Variants in MAP2K5 observed in about 807,000 individuals in gnomAD.
The protein encoded by MAP2K5 is dual specificity mitogen-activated protein kinase kinase 5.
In MAP2K5, 49 loss-of-function variants were observed where a neutral mutation model predicts 83.1. The observed-to-expected ratio is 0.59, with a 90% CI of 0.47 to 0.75. The LOEUF (loss-of-function observed/expected upper bound fraction) is 0.75, where lower values mean the gene tolerates loss of function less well. Ranked by LOEUF, MAP2K5 falls within the 30% of genes least tolerant of loss-of-function variation. The pLI is 0.00. For missense variants in MAP2K5, 457 were observed against 557.5 expected (o/e 0.82, Z 1.82); for synonymous variants, 202 against 191.8 (o/e 1.05, Z -0.44).
At chr15:67,772,833 A>C in intron 21 of MAP2K5, 81 bp downstream of exon 21, 1 of 1,208,538 alleles carries the variant, frequency 8.3e-7, no homozygotes, top group South Asian at 1.4e-5. Context: ...CCAGAATGGA[A>C]TTTGAAACAG....
At position 67,793,773 on chromosome 15, in the gene MAP2K5, T is replaced by C. The variant is rs531628466; in HGVS notation, c.1243-12873T>C. The stretch of plus-strand genomic sequence containing the variant: ...ACTCTTTGATCACGTTGTATATAAA[T>C]GTCCAAGTTTGAAGCAATATGATTA... On this transcript the variant is annotated intron_variant, in intron 21 of 21. Transcript: ENST00000178640. The surrounding 1 kb of genome is among the most constrained non-coding windows in gnomAD (Gnocchi z 4.6). 1.1e-3 allele frequency among the ~76,000 whole-genome samples: 167 copies of C among 152,210 alleles called. No homozygotes were observed. Among genetic ancestry groups the C allele is most frequent in the Non-Finnish European group, 2.1e-3 (141 of 68,026 alleles).
At chr15:67,607,282 T>G (rs1174319056) in intron 8 of MAP2K5, among the ~76,000 whole-genome samples, 1 of 152,248 alleles carries the variant, frequency 6.6e-6, no homozygotes, top group African/African-American at 2.4e-5. Context: ...ATATTAATGT[T>G]TTCAGAAAAT....
In MAP2K5 at chr15:67,579,122, A is replaced by G. The variant is rs536635321; in HGVS notation, c.253-1632A>G. Reference sequence around the variant, plus strand: ...AATTTTTTTGACAGCCACTGATTGGAAAGTTGCTTGCAGCCTTCCAGAAGC... The same window carrying G: ...AATTTTTTTGACAGCCACTGATTGGGAAGTTGCTTGCAGCCTTCCAGAAGC... On this transcript the variant is annotated intron_variant, in intron 3 of 21. Transcript: ENST00000178640. Among the ~76,000 whole-genome samples, 4 of 152,318 alleles carry G rather than the reference A, an allele frequency of 2.6e-5. No homozygotes were observed. In the South Asian group the frequency reaches 8.3e-4, roughly 32 times the overall value.
rs4776371 is a variant in MAP2K5, at chr15:67,652,461, G to A, written c.736+5992G>A. On this transcript the variant is annotated intron_variant, in intron 11 of 21. Transcript: ENST00000178640. The surrounding 1 kb of genome is among the most constrained non-coding windows in gnomAD (Gnocchi z 4.2). ...TTCGTGGAGCAAGAGAGAGAGGAGGGAGGTCCCAGACACTTTTTAACAACC... is the reference window on the plus strand; with the variant it reads ...TTCGTGGAGCAAGAGAGAGAGGAGGAAGGTCCCAGACACTTTTTAACAACC... Among the ~76,000 whole-genome samples the A allele has an allele frequency of 0.82, 124,145 of 152,038 alleles. 50,857 individuals are homozygous for A. The highest frequency in any genetic ancestry group is 0.88 in the Admixed American group (13,372 of 15,282).
intron 16 of MAP2K5, among the ~76,000 whole-genome samples, chr15:67,716,283 G>A (rs1433895474): frequency 2.6e-5 from 4 of 152,172 alleles, no homozygotes; most frequent in Non-Finnish European, 5.9e-5. Flanking sequence ...TGAGGCTGCA[G>A]TAAGCTATGA....
At chr15:67,739,678 G>A (rs1415391203) in intron 17 of MAP2K5, among the ~76,000 whole-genome samples, 2 of 150,882 alleles carry the variant, frequency 1.3e-5, no homozygotes, top group African/African-American at 2.4e-5. Flanking sequence ...ATGGGGTTTC[G>A]CCATGTTGGG....
intron 8 of MAP2K5, among the ~76,000 whole-genome samples, chr15:67,625,781 A>G (rs2086303888): frequency 1.3e-5 from 2 of 152,210 alleles, no homozygotes; most frequent in Admixed American, 1.3e-4. Flanking sequence ...TCGAAATCGA[A>G]CCCAAACTTC....
At chr15:67,678,390 C>T (rs1268316747) in intron 13 of MAP2K5, among the ~76,000 whole-genome samples, 1 of 152,156 alleles carries the variant, frequency 6.6e-6, no homozygotes, top group Non-Finnish European at 1.5e-5. Flanking sequence ...TTTCTGCCTC[C>T]ATTGTCATCC....
At chr15:67,655,891 G>A (rs74354975) in intron 11 of MAP2K5, among the ~76,000 whole-genome samples, 2,857 of 152,154 alleles carry the variant, frequency 0.019, 94 homozygotes, top group African/African-American at 0.065. Flanking sequence ...CTCCGAGAAT[G>A]TGTTCATTTT....
chr15:67,705,053 A>G (rs866391760), intron 16 of MAP2K5, among the ~76,000 whole-genome samples: 6 of 152,208 alleles, frequency 3.9e-5, no homozygotes, highest in African/African-American at 1.2e-4. Context: ...CTAACATTCT[A>G]TGACTGTGCT....
rs1170274495 is a variant in MAP2K5 at position 67,668,914 on chromosome 15, T to G, written c.847+4269T>G. On this transcript the variant is annotated intron_variant, in intron 13 of 21. Coordinates refer to ENST00000178640, the MANE Select transcript of MAP2K5 (RefSeq NM_145160.3). The surrounding 1 kb of genome is among the most constrained non-coding windows in gnomAD (Gnocchi z 4.0). ...TTACTTTCTCCAATAGGAGAACTTT[T>G]TAAAAATACGTTTTTGCAGAAATTC... Among the ~76,000 whole-genome samples the G allele has an allele frequency of 6.6e-6, 1 of 152,194 alleles. No homozygotes were observed. The highest frequency in any genetic ancestry group is 2.4e-5 in the African/African-American group (1 of 41,464).
chr15:67,711,816 T>TA (rs960429730), intron 16 of MAP2K5, among the ~76,000 whole-genome samples: 50 of 152,304 alleles, frequency 3.3e-4, no homozygotes, highest in African/African-American at 1.2e-3. Flanking sequence ...TGATATATTG[T>TA]AAACACCCAA....
rs1456435222 is a variant in MAP2K5 at position 67,637,817 on chromosome 15, G to C, written c.585+6890G>C. 6.6e-6 allele frequency among the ~76,000 whole-genome samples: 1 copy of C among 152,028 alleles called. No homozygotes were observed. The highest frequency in any genetic ancestry group is 1.9e-4 in the East Asian group (1 of 5,180). ...GGCCTGGGAACTCTCTGGTCAGCAA[G>C]CTGGGCAATCATAGGGCTCATCTCA... is the stretch of plus-strand genomic sequence containing the variant. On this transcript the variant is annotated intron_variant, in intron 9 of 21. Coordinates refer to ENST00000178640, the MANE Select transcript of MAP2K5 (RefSeq NM_145160.3). This position sits in a 1 kb window ranked among gnomAD's most constrained non-coding sequence, Gnocchi z 4.5.
intron 11 of MAP2K5, 130 bp downstream of exon 11, chr15:67,646,599 C>T: frequency 2.0e-6 from 1 of 505,778 alleles, no homozygotes; most frequent in South Asian, 3.9e-5. Flanking sequence ...CTCATTTATA[C>T]TCTAAGATTA....
rs2090221317 is a variant in MAP2K5, at chr15:67,775,466, T to C, written c.1242+2714T>C. Among the ~76,000 whole-genome samples the C allele has an allele frequency of 6.6e-6, 1 of 152,242 alleles. No homozygotes were observed. Among genetic ancestry groups the C allele is most frequent in the South Asian group, 2.1e-4 (1 of 4,832 alleles). On this transcript the variant is annotated intron_variant, in intron 21 of 21. Coordinates refer to ENST00000178640, the MANE Select transcript of MAP2K5 (RefSeq NM_145160.3). This position sits in a 1 kb window ranked among gnomAD's most constrained non-coding sequence, Gnocchi z 5.3. ...ATCAGAAGTGCTCTCAAAAGTTTTA[T>C]CAGCATCTGCATCATCCTAAGAGAT...
In MAP2K5 at chr15:67,783,357, C is replaced by A. The variant is rs2090362011; in HGVS notation, c.1242+10605C>A. Among the ~76,000 whole-genome samples the A allele has an allele frequency of 6.6e-6, 1 of 152,218 alleles. No homozygotes were observed. The highest frequency in any genetic ancestry group is 6.5e-5 in the Admixed American group (1 of 15,284). ...TCACCTCAGGCCACTCCTGTGGAGT[C>A]CTGTGCTCCAAACTTCTGGCAGTCC... On this transcript the variant is annotated intron_variant, in intron 21 of 21. Coordinates refer to ENST00000178640, the MANE Select transcript of MAP2K5 (RefSeq NM_145160.3). This position sits in a 1 kb window ranked among gnomAD's most constrained non-coding sequence, Gnocchi z 5.1.
In MAP2K5 at chr15:67,649,993, A is replaced by G. The variant is rs139000505; in HGVS notation, c.736+3524A>G. Among the ~76,000 whole-genome samples, 447 of 152,324 alleles carry G rather than the reference A, an allele frequency of 2.9e-3. 2 individuals carry two copies. Among genetic ancestry groups the G allele is most frequent in the African/African-American group, 0.01 (436 of 41,566 alleles). On this transcript the variant is annotated intron_variant, in intron 11 of 21. Transcript: ENST00000178640. ...ACTCCGTGAACACAGATGTCTTTCAACTTACTTAGGTCTTCTTTAATTGTT... is the reference window on the plus strand; with the variant it reads ...ACTCCGTGAACACAGATGTCTTTCAGCTTACTTAGGTCTTCTTTAATTGTT...
rs1225575185 is a variant in MAP2K5, at chr15:67,676,600, T to C, written c.847+11955T>C. 6.6e-6 allele frequency among the ~76,000 whole-genome samples: 1 copy of C among 152,202 alleles called. No individual in the cohort carries two copies. Among genetic ancestry groups the C allele is most frequent in the Non-Finnish European group, 1.5e-5 (1 of 68,038 alleles). ...TAAGTTCCTTCTGGATTGGGTACAA[T>C]CATAATGATAACAATATTAATCATT... On this transcript the variant is annotated intron_variant, in intron 13 of 21. Transcript: ENST00000178640. This position sits in a 1 kb window ranked among gnomAD's most constrained non-coding sequence, Gnocchi z 4.8.
intron 11 of MAP2K5, among the ~76,000 whole-genome samples, chr15:67,648,811 C>T (rs925234460): frequency 2.0e-5 from 3 of 152,070 alleles, no homozygotes; most frequent in Non-Finnish European, 4.4e-5. Flanking sequence ...GATCTCCTGA[C>T]CTCGTGATCT....
Sources: gnomAD v4.1 joint callset for allele counts (sites outside exome capture counted in the v4.1 genomes callset) on GRCh38, gnomAD v4.1.1 for gene constraint, Gnocchi (gnomAD v3.1) non-coding constraint, MANE v1.5 for transcripts, NCBI Gene and HGNC (gene_info 2026-07-23, HGNC 2026-07-21) for gene names.